MVB12A: variants seen among roughly 807,000 people sequenced by gnomAD.
MVB12A encodes the protein multivesicular body subunit 12A.
MVB12A carries 30 observed loss-of-function variants against 34.3 expected under a neutral mutation model. The observed-to-expected ratio is 0.88, with a 90% CI of 0.65 to 1.19. The LOEUF (loss-of-function observed/expected upper bound fraction) is 1.19. Ranked by LOEUF, MVB12A falls within the 50% of genes most tolerant of loss-of-function variation. The pLI, the probability that MVB12A is intolerant of heterozygous loss-of-function variation, is 0.00. For synonymous variants in MVB12A, 158 were observed against 158.9 expected, an observed-to-expected ratio of 0.99 and a Z score of 0.04; for missense variants, 355 against 369.2, an observed-to-expected ratio of 0.96 and a Z score of 0.31.
chr19:17,420,042 G>A, upstream of MVB12A: 1 of 611,932 alleles, frequency 1.6e-6, no homozygotes, highest in Non-Finnish European at 2.3e-6. Context: ...GGCCTTCTGG[G>A]AGTTGTAGTT....
At chr19:17,416,626 C>A (rs2074801348), upstream of MVB12A, among the ~76,000 whole-genome samples, 1 of 151,814 alleles carries the variant, frequency 6.6e-6, no homozygotes, top group Admixed American at 6.6e-5. Context: ...CCCATGTTGG[C>A]CAGGCTGGTC....
At chr19:17,406,449 C>A (rs1049808548) in intron 2 of MVB12A, 2 of 152,218 alleles carry the variant, frequency 1.3e-5, no homozygotes. Context: ...TGAAAGGGGA[C>A]TGCATGTTTT....
intron 8 of MVB12A, 60 bp downstream of exon 8, chr19:17,424,737 C>T (rs4808636): frequency 0.96 from 1,474,528 of 1,541,620 alleles, 709,785 homozygotes; most frequent in Non-Finnish European, 0.98. Context: ...CCTGAGGGGC[C>T]GGCACCCGCC....
upstream of MVB12A, chr19:17,419,540 C>G (rs543147121): frequency 6.6e-6 from 1 of 152,366 alleles, no homozygotes; most frequent in East Asian, 1.9e-4. Context: ...GCGTATCCCA[C>G]AGATGATTTC....
chr19:17,423,672 C>A, intron 5 of MVB12A, 21 bp from the exon 6 acceptor site: 1 of 1,613,658 alleles, frequency 6.2e-7, no homozygotes, highest in East Asian at 2.2e-5. Flanking sequence ...TGAGGCTTAA[C>A]CTGAGTCATC....
At position 17,423,471 on chromosome 19, in the gene MVB12A, T is replaced by G. The variant is rs565710769; in HGVS notation, c.414-27T>G. On this transcript the variant is annotated intron_variant, in intron 4 of 8. Transcript: ENST00000317040. ...ACCCTGGCCCCACACCGGGCCAGCA[T>G]CCCTCCCACCTTCCCTCCTGGTCCA... 23 of 1,606,294 alleles carry G rather than the reference T, an allele frequency of 1.4e-5. No homozygotes were observed. In the East Asian group the frequency reaches 2.7e-4, roughly 19 times the overall value.
intron 7 of MVB12A, among the ~76,000 whole-genome samples, 189 bp from the exon 8 acceptor site, chr19:17,424,432 A>AG (rs1275967203): frequency 1.3e-5 from 2 of 152,008 alleles, no homozygotes; most frequent in African/African-American, 4.8e-5. Context: ...AAATACAAAA[A>AG]TTAGCCAGGC....
chr19:17,408,455 AT>A (rs532827119), intron 2 of MVB12A, among the ~76,000 whole-genome samples: 2 of 149,704 alleles, frequency 1.3e-5, no homozygotes, highest in Non-Finnish European at 1.5e-5. Context: ...TAATTAATTA[AT>A]TTTTTTTGAG....
In MVB12A at chr19:17,424,184, G is replaced by T. The variant is rs1321535062; in HGVS notation, c.702+117G>T. The T allele has an allele frequency of 5.0e-6, 5 of 995,966 alleles. No individual in the cohort carries two copies. In the Admixed American group the frequency reaches 9.8e-5, roughly 19 times the overall value. The allele number at this position is 995,966 out of a possible 1,614,324, so 61.7% of individuals were successfully genotyped here. A position where few individuals can be genotyped will look rare whatever the true frequency, so the allele number is the denominator to read the frequency against. On this transcript the variant is annotated intron_variant, in intron 7 of 8. Coordinates refer to ENST00000317040, the MANE Select transcript of MVB12A (RefSeq NM_138401.4). ...GGCCACATCCTGGGTTGGGGCTGGAGTGTGTCACCTCCAGGTGGCAGCTGG... is the reference window on the plus strand; with the variant it reads ...GGCCACATCCTGGGTTGGGGCTGGATTGTGTCACCTCCAGGTGGCAGCTGG...
At chr19:17,421,341 C>G (rs8100705) in intron 3 of MVB12A, among the ~76,000 whole-genome samples, 39,997 of 151,816 alleles carry the variant, frequency 0.26, 6,438 homozygotes, top group Non-Finnish European at 0.37. Flanking sequence ...TGCGCCACCA[C>G]GCCTGGCTAA....
In MVB12A at chr19:17,420,125, C is replaced by T. The variant is rs951560965; in HGVS notation, c.-11C>T. Reference sequence around the variant, plus strand: ...GCCCCGCGACCCCGCCTTCGGCGCTCGGCTCGCAGGATGGATCCCGTACCC... The same window carrying T: ...GCCCCGCGACCCCGCCTTCGGCGCTTGGCTCGCAGGATGGATCCCGTACCC... On this transcript the variant is annotated 5_prime_UTR_variant, in exon 1 of 9. Transcript: ENST00000317040. The T allele has an allele frequency of 4.9e-5, 65 of 1,332,192 alleles. No homozygotes were observed. Among genetic ancestry groups the T allele is most frequent in the Non-Finnish European group, 5.1e-5 (53 of 1,045,726 alleles). 82.5% of individuals were successfully genotyped at this position (1,332,192 alleles called of 1,614,324 possible).
chr19:17,405,841 C>T, intron 1 of MVB12A: 1 of 375,814 alleles, frequency 2.7e-6, no homozygotes, highest in Non-Finnish European at 5.0e-6. Flanking sequence ...CCAACTGTGG[C>T]TGCCTGGGAC....
chr19:17,424,532 T>C (rs573751484), intron 7 of MVB12A, 89 bp from the exon 8 acceptor site: 4 of 1,330,708 alleles, frequency 3.0e-6, no homozygotes, highest in African/African-American at 1.5e-5. Flanking sequence ...TCGGGGAGTG[T>C]TGGGGGGAGG....
rs1029514682 is a variant in MVB12A at position 17,423,676 on chromosome 19, A to T, written c.534-17A>T. ...TTGTGGGAGGATGAGGCTTAACCTG[A>T]GTCATCCCACCTCCAGTAAGGGCGG... On this transcript the variant is annotated splice_polypyrimidine_tract_variant and intron_variant, in intron 5 of 8. Transcript: ENST00000317040. The T allele has an allele frequency of 6.2e-7, 1 of 1,613,504 alleles. No homozygotes were observed. Among genetic ancestry groups the T allele is most frequent in the Non-Finnish European group, 8.5e-7 (1 of 1,179,798 alleles).
At chr19:17,421,399 G>A (rs1329750627) in intron 3 of MVB12A, among the ~76,000 whole-genome samples, 3 of 151,734 alleles carry the variant, frequency 2.0e-5, no homozygotes, top group African/African-American at 7.3e-5. Context: ...GGTCAGGCTG[G>A]TTTCGAACTC....
At chr19:17,424,141 C>T in intron 7 of MVB12A, 74 bp downstream of exon 7, 9 of 1,437,436 alleles carry the variant, frequency 6.3e-6, no homozygotes, top group Non-Finnish European at 8.8e-6. Flanking sequence ...TCCCTGTATC[C>T]AGTGCCCCAG....
intron 6 of MVB12A, 54 bp downstream of exon 6, chr19:17,423,853 G>A: frequency 6.3e-7 from 1 of 1,583,030 alleles, no homozygotes; most frequent in Non-Finnish European, 8.7e-7. Flanking sequence ...TGACTGTCTT[G>A]AGATTACACA....
intron 4 of MVB12A, 151 bp downstream of exon 4, chr19:17,422,609 A>C: frequency 4.5e-6 from 3 of 672,820 alleles, no homozygotes; most frequent in East Asian, 3.1e-5. Context: ...GGACATATAT[A>C]TCATCTTGTA....
At chr19:17,407,291 C>T (rs1028691125) in intron 2 of MVB12A, among the ~76,000 whole-genome samples, 4 of 151,960 alleles carry the variant, frequency 2.6e-5, no homozygotes, top group Admixed American at 6.6e-5. Context: ...TGTGCGGCGA[C>T]GAGAGAGTGT....
Sources: allele counts gnomAD v4.1 joint callset (sites outside exome capture counted in the v4.1 genomes callset), GRCh38; gene constraint gnomAD v4.1.1; transcripts MANE v1.5; gene names NCBI Gene and HGNC (gene_info 2026-07-23, HGNC 2026-07-21).